The following GABRA5 variants were observed in gnomAD, a reference collection of about 807,000 sequenced individuals.
GABRA5 encodes the protein gamma-aminobutyric acid receptor subunit alpha-5.
A neutral mutation model predicts 47.3 loss-of-function variants in GABRA5; 18 were observed. The observed-to-expected ratio is 0.38, with a 90% CI of 0.26 to 0.56. GABRA5 has a LOEUF of 0.56. GABRA5 is among the 20% of genes least tolerant of loss of function. GABRA5 has a pLI of 0.71. For missense variants in GABRA5, 365 were observed against 599.3 expected, an observed-to-expected ratio of 0.61 and a Z score of 4.08; for synonymous variants, 237 against 229.3, an observed-to-expected ratio of 1.03 and a Z score of -0.30.
intron 3 of GABRA5, among the ~76,000 whole-genome samples, chr15:26,872,914 A>C (rs1203461697): frequency 6.6e-6 from 1 of 152,232 alleles, no homozygotes; most frequent in Non-Finnish European, 1.5e-5. Context: ...ATTGCTTTGA[A>C]AATACATGAG....
chr15:26,940,142 A>G, intron 9 of GABRA5, 65 bp downstream of exon 9: 1 of 1,437,328 alleles, frequency 7.0e-7, no homozygotes, highest in Non-Finnish European at 9.6e-7. Context: ...ACCCGGAAGC[A>G]ACAGCAACAA....
At chr15:26,878,835 G>A (rs1273771144) in intron 3 of GABRA5, among the ~76,000 whole-genome samples, 1 of 152,158 alleles carries the variant, frequency 6.6e-6, no homozygotes, top group Non-Finnish European at 1.5e-5. Flanking sequence ...ATTCTATTCC[G>A]TCACTGTGGG....
At chr15:26,915,495 A>G (rs1013598727) in intron 7 of GABRA5, among the ~76,000 whole-genome samples, 1 of 152,236 alleles carries the variant, frequency 6.6e-6, no homozygotes, top group African/African-American at 2.4e-5. Flanking sequence ...AGAGGAATTG[A>G]CAGTTGAGAC....
chr15:26,886,171 C>T (rs778249683), intron 6 of GABRA5, among the ~76,000 whole-genome samples: 23 of 152,222 alleles, frequency 1.5e-4, no homozygotes, highest in Middle Eastern at 3.4e-3. Context: ...AGGCGTGTGC[C>T]ACCACACCCG....
chr15:26,880,894 C>T lies in GABRA5; in HGVS notation c.135C>T (p.Asn45=). The change falls in exon 4 of 11, where the codon AAC becomes AAT. Residue 45 remains asparagine (N), a synonymous_variant. Coordinates refer to ENST00000335625, the MANE Select transcript of GABRA5 (RefSeq NM_000810.4). ...CAGTGAAAGATGAGACCAATGACAA[C>T]ATCACGATATTTACCAGGATCTTGG... is the stretch of plus-strand genomic sequence containing the variant. The part of the protein sequence containing the change: ...TSSVKDETND[N]ITIFTRILDG... 6.2e-7 allele frequency: 1 copy of T among 1,614,016 alleles called. No homozygotes were observed. The highest frequency in any genetic ancestry group is 1.1e-5 in the South Asian group (1 of 91,088).
chr15:26,882,417 T>C (rs1245050162), intron 4 of GABRA5, among the ~76,000 whole-genome samples: 13 of 152,156 alleles, frequency 8.5e-5, no homozygotes, highest in Admixed American at 8.5e-4. Flanking sequence ...AGGCCCACAG[T>C]GCGGCTGGAA....
intron 6 of GABRA5, among the ~76,000 whole-genome samples, chr15:26,902,496 C>G (rs1014481852): frequency 2.0e-5 from 3 of 152,066 alleles, no homozygotes; most frequent in African/African-American, 7.2e-5. Context: ...AGCAAGCTTA[C>G]TCTATTCATG....
rs935436089 is a variant in GABRA5 at position 26,883,816 on chromosome 15, C to T, written c.497+259C>T. On this transcript the variant is annotated intron_variant, in intron 6 of 10. Coordinates refer to ENST00000335625, the MANE Select transcript of GABRA5 (RefSeq NM_000810.4). The surrounding 1 kb of genome is among the most constrained non-coding windows in gnomAD (Gnocchi z 4.8). Reference sequence around the variant, plus strand: ...TCAAGCTCAAGAGCATCTTTGGAACCATGGCCCATATAATGTCGGATAGGG... The same window carrying T: ...TCAAGCTCAAGAGCATCTTTGGAACTATGGCCCATATAATGTCGGATAGGG... Among the ~76,000 whole-genome samples, 2 of 152,158 alleles carry T rather than the reference C, an allele frequency of 1.3e-5. No individual in the cohort carries two copies. Among genetic ancestry groups the T allele is most frequent in the African/African-American group, 4.8e-5 (2 of 41,440 alleles).
chr15:26,901,238 C>T (rs2140279673), intron 6 of GABRA5, among the ~76,000 whole-genome samples: 1 of 152,260 alleles, frequency 6.6e-6, no homozygotes, highest in Middle Eastern at 3.4e-3. Flanking sequence ...TGCCAAGCTG[C>T]CTTCCAAAGT....
chr15:26,877,794 T>C (rs570160060), intron 3 of GABRA5: 13 of 385,094 alleles, frequency 3.4e-5, no homozygotes, highest in Non-Finnish European at 5.1e-5. Context: ...AATTCCTATT[T>C]TAAGAGAACC....
intron 7 of GABRA5, among the ~76,000 whole-genome samples, chr15:26,930,969 C>T (rs1477648874): frequency 7.0e-6 from 1 of 143,124 alleles, no homozygotes; most frequent in Non-Finnish European, 1.5e-5. Context: ...ATTCTTGGCT[C>T]ACTGCAACCT....
intron 6 of GABRA5, among the ~76,000 whole-genome samples, chr15:26,902,143 A>G (rs1893342836): frequency 1.3e-5 from 2 of 152,012 alleles, no homozygotes; most frequent in Admixed American, 1.3e-4. Context: ...TTGCCTCTTC[A>G]TATCAATATT....
chr15:26,879,577 G>T (rs539808175), intron 3 of GABRA5, among the ~76,000 whole-genome samples: 58 of 152,158 alleles, frequency 3.8e-4, no homozygotes, highest in Non-Finnish European at 7.6e-4. Flanking sequence ...GATCAAAAGA[G>T]CATTATTCCT....
At chr15:26,937,999 C>A (rs961117826) in intron 8 of GABRA5, among the ~76,000 whole-genome samples, 13 of 152,216 alleles carry the variant, frequency 8.5e-5, no homozygotes, top group African/African-American at 3.1e-4. Flanking sequence ...CTCCAAAGAG[C>A]CTCTGCAGCC....
At chr15:26,922,802 C>T (rs1197119203) in intron 7 of GABRA5, among the ~76,000 whole-genome samples, 1 of 152,064 alleles carries the variant, frequency 6.6e-6, no homozygotes, top group African/African-American at 2.4e-5. Flanking sequence ...GCTTTGTTGC[C>T]CAGGCTGGAG....
chr15:26,877,732 T>G (rs1349500624), intron 3 of GABRA5: 1 of 452,028 alleles, frequency 2.2e-6, no homozygotes, highest in Non-Finnish European at 4.4e-6. Context: ...ACTGAGAATA[T>G]GGCATAAGTG....
chr15:26,941,544 T>C (rs990823907), intron 9 of GABRA5, among the ~76,000 whole-genome samples: 2 of 152,188 alleles, frequency 1.3e-5, no homozygotes, highest in South Asian at 2.1e-4. Flanking sequence ...TGGCATTGAA[T>C]GAAGCCCCAG....
chr15:26,916,993 T>C (rs1893731160), intron 7 of GABRA5, among the ~76,000 whole-genome samples: 1 of 152,128 alleles, frequency 6.6e-6, no homozygotes, highest in Non-Finnish European at 1.5e-5. Context: ...GTTTTCTGTA[T>C]GTAAGATGAT....
intron 7 of GABRA5, among the ~76,000 whole-genome samples, chr15:26,932,607 A>G (rs1352478304): frequency 1.5e-4 from 23 of 152,222 alleles, no homozygotes; most frequent in Non-Finnish European, 1.5e-5. Flanking sequence ...TGGCAATCCC[A>G]TAACTGGGTA....
Sources: allele counts gnomAD v4.1 joint callset (sites outside exome capture counted in the v4.1 genomes callset), GRCh38; gene constraint gnomAD v4.1.1; non-coding constraint Gnocchi (gnomAD v3.1); transcripts MANE v1.5; gene names NCBI Gene and HGNC (gene_info 2026-07-23, HGNC 2026-07-21).